The following PKNOX2 variants were observed in gnomAD, a reference collection of about 807,000 sequenced individuals.
PKNOX2 encodes homeobox protein PKNOX2.
In PKNOX2, 14 loss-of-function variants were observed where a neutral mutation model predicts 53.1. That is an observed-to-expected ratio of 0.26 (90% CI 0.17 to 0.41). The LOEUF (loss-of-function observed/expected upper bound fraction) is 0.41, where lower values mean the gene tolerates loss of function less well. Among genes scored for constraint, PKNOX2 ranks in the 10% least tolerant of loss-of-function variants. PKNOX2 has a pLI of 1.00. For missense variants in PKNOX2, 496 were observed against 602.8 expected, an observed-to-expected ratio of 0.82 and a Z score of 1.85; for synonymous variants, 257 against 242.8, an observed-to-expected ratio of 1.06 and a Z score of -0.54.
At chr11:125,420,930 G>A (rs1591567115) in intron 10 of PKNOX2, among the ~76,000 whole-genome samples, 1 of 152,130 alleles carries the variant, frequency 6.6e-6, no homozygotes, top group Non-Finnish European at 1.5e-5. Context: ...GCAGTCTCTC[G>A]CCTGTCCTTC....
chr11:125,354,059 C>A (rs574215897), intron 4 of PKNOX2, among the ~76,000 whole-genome samples: 1 of 152,188 alleles, frequency 6.6e-6, no homozygotes, highest in Non-Finnish European at 1.5e-5. Flanking sequence ...CTAGGAGGGG[C>A]TCCCTTGTAG....
intron 2 of PKNOX2, among the ~76,000 whole-genome samples, chr11:125,261,808 G>A (rs998482097): frequency 5.3e-5 from 8 of 152,220 alleles, no homozygotes; most frequent in South Asian, 2.1e-4. Context: ...TAACTGGCCC[G>A]AGACACCAAA....
chr11:125,385,524 A>T (rs1162085716), intron 5 of PKNOX2, 27 bp from the exon 6 acceptor site: 5 of 1,588,398 alleles, frequency 3.1e-6, no homozygotes, highest in Non-Finnish European at 4.3e-6. Flanking sequence ...GTGTGTGCGC[A>T]TGTGTGAGCT....
chr11:125,397,841 A>G, intron 6 of PKNOX2, 33 bp from the exon 7 acceptor site: 1 of 1,570,410 alleles, frequency 6.4e-7, no homozygotes, highest in Non-Finnish European at 8.6e-7. Context: ...TGGGATGCAA[A>G]CACCTGGGCT....
intron 5 of PKNOX2, 128 bp from the exon 6 acceptor site, chr11:125,385,423 T>G: frequency 9.7e-7 from 1 of 1,034,466 alleles, no homozygotes; most frequent in Non-Finnish European, 1.4e-6. Context: ...GGACTGGGGA[T>G]GTTATCAAGG....
chr11:125,290,690 C>A (rs187568611), intron 2 of PKNOX2, among the ~76,000 whole-genome samples: 3 of 152,312 alleles, frequency 2.0e-5, no homozygotes, highest in Admixed American at 6.5e-5. Flanking sequence ...AGGTCCTGAG[C>A]CTTGTCCTAG....
intron 1 of PKNOX2, among the ~76,000 whole-genome samples, chr11:125,219,212 T>A (rs566562715): frequency 8.9e-4 from 135 of 152,122 alleles, no homozygotes; most frequent in Non-Finnish European, 1.8e-3. Context: ...GGCAAGCAGA[T>A]CATCTGAGGT....
chr11:125,209,768 C>T (rs1159840223), intron 1 of PKNOX2, among the ~76,000 whole-genome samples: 1 of 151,854 alleles, frequency 6.6e-6, no homozygotes, highest in Non-Finnish European at 1.5e-5. Context: ...GGCAAAAGGG[C>T]GCCTCTCCCA....
chr11:125,311,238 C>T (rs998146550), intron 2 of PKNOX2, among the ~76,000 whole-genome samples: 1 of 152,158 alleles, frequency 6.6e-6, no homozygotes, highest in Admixed American at 6.5e-5. Context: ...ATTTCACATT[C>T]CCCATTAGAA....
At chr11:125,199,393 G>A (rs2135393639) in intron 1 of PKNOX2, among the ~76,000 whole-genome samples, 1 of 152,322 alleles carries the variant, frequency 6.6e-6, no homozygotes, top group South Asian at 2.1e-4. Context: ...AGGTCCAGGT[G>A]CTCCTGCCAG....
chr11:125,260,819 T>C (rs1334716770), intron 2 of PKNOX2, among the ~76,000 whole-genome samples: 2 of 152,190 alleles, frequency 1.3e-5, no homozygotes, highest in African/African-American at 4.8e-5. Flanking sequence ...AAGAGATGTT[T>C]ACTGAACAAA....
chr11:125,194,123 G>A (rs1042753559), intron 1 of PKNOX2, among the ~76,000 whole-genome samples: 4 of 152,136 alleles, frequency 2.6e-5, no homozygotes, highest in East Asian at 1.9e-4. Context: ...GCCTTTGTGC[G>A]AGCCCTTCCT....
chr11:125,410,620 TC>T, intron 8 of PKNOX2, 158 bp from the exon 9 acceptor site: 1 of 663,760 alleles, frequency 1.5e-6, no homozygotes, highest in Non-Finnish European at 2.6e-6. Flanking sequence ...CTAGACACCA[TC>T]CCCCACCCAC....
chr11:125,313,254 G>C (rs1591523824), intron 2 of PKNOX2, among the ~76,000 whole-genome samples: 1 of 152,340 alleles, frequency 6.6e-6, no homozygotes, highest in Non-Finnish European at 1.5e-5. Flanking sequence ...GAAGAAAGGA[G>C]CAGACAGAGG....
rs1956704595 is a variant in PKNOX2 at position 125,431,540 on chromosome 11, GGA to G, written c.*151_*152del. Reference sequence around the variant, plus strand: ...AATCAGTAGCTTGAAGAAAGGCAAAGGAGACACCTGTTCCTTCCCAACCACCG... The same window carrying G: ...AATCAGTAGCTTGAAGAAAGGCAAAGGACACCTGTTCCTTCCCAACCACCG... On this transcript the variant is annotated 3_prime_UTR_variant, in exon 13 of 13. Coordinates refer to ENST00000298282, the MANE Select transcript of PKNOX2 (RefSeq NM_001382323.2). 1.1e-6 allele frequency: 1 copy of G among 916,892 alleles called. No homozygotes were observed. The highest frequency in any genetic ancestry group is 2.6e-5 in the East Asian group (1 of 37,994). The allele number at this position is 916,892 out of a possible 1,614,324, so 56.8% of individuals were successfully genotyped here.
intron 5 of PKNOX2, among the ~76,000 whole-genome samples, chr11:125,382,337 A>G (rs1953302536): frequency 6.6e-6 from 1 of 152,156 alleles, no homozygotes; most frequent in African/African-American, 2.4e-5. Flanking sequence ...ACACACACAC[A>G]AGCACACACA....
At chr11:125,293,912 G>A (rs1166603656) in intron 2 of PKNOX2, among the ~76,000 whole-genome samples, 1 of 152,002 alleles carries the variant, frequency 6.6e-6, no homozygotes, top group Non-Finnish European at 1.5e-5. Flanking sequence ...CTTCAAAATG[G>A]CTGTAGATAT....
At position 125,166,238 on chromosome 11, in the gene PKNOX2, A is replaced by G. The variant is rs2135154581; in HGVS notation, c.-201+1462A>G. On this transcript the variant is annotated intron_variant, in intron 1 of 12. Coordinates refer to ENST00000298282, the MANE Select transcript of PKNOX2 (RefSeq NM_001382323.2). This position sits in a 1 kb window ranked among gnomAD's most constrained non-coding sequence, Gnocchi z 4.0. The stretch of plus-strand genomic sequence containing the variant: ...GGATCACAGCTTTTTCTTGTGGTGG[A>G]AGCTATTGGAATTTGGGGAGGGTAG... 6.6e-6 allele frequency among the ~76,000 whole-genome samples: 1 copy of G among 152,176 alleles called. No individual in the cohort carries two copies. Among genetic ancestry groups the G allele is most frequent in the East Asian group, 1.9e-4 (1 of 5,172 alleles).
intron 2 of PKNOX2, among the ~76,000 whole-genome samples, chr11:125,274,866 G>A (rs776752857): frequency 7.9e-5 from 12 of 152,218 alleles, no homozygotes; most frequent in Non-Finnish European, 1.5e-4. Context: ...ACATCCATGT[G>A]CATCTATTAT....
Sources: gnomAD v4.1 joint callset for allele counts (sites outside exome capture counted in the v4.1 genomes callset) on GRCh38, gnomAD v4.1.1 for gene constraint, Gnocchi (gnomAD v3.1) non-coding constraint, MANE v1.5 for transcripts, NCBI Gene and HGNC (gene_info 2026-07-23, HGNC 2026-07-21) for gene names.